Variants in IFT88 observed in about 807,000 individuals in gnomAD.
IFT88 encodes intraflagellar transport 88.
IFT88 carries 74 observed loss-of-function variants against 119.5 expected under a neutral mutation model. The observed-to-expected ratio is 0.62, with a 90% confidence interval of 0.51 to 0.75. The LOEUF is 0.75. Among genes scored for constraint, IFT88 ranks in the 30% least tolerant of loss-of-function variants. The probability of loss-of-function intolerance (pLI) is 0.00; values close to 1 mark genes in which losing one functional copy is unlikely to be tolerated. For synonymous variants in IFT88, 279 were observed against 316.7 expected (o/e 0.88, Z 1.26); for missense variants, 961 against 977.7 (o/e 0.98, Z 0.23).
At chr13:20,604,062 A>G (rs1399401774) in intron 12 of IFT88, among the ~76,000 whole-genome samples, 1 of 152,108 alleles carries the variant, frequency 6.6e-6, no homozygotes, top group African/African-American at 2.4e-5. Flanking sequence ...CCTTGTCTCA[A>G]AAGTAAAATA....
At chr13:20,623,091 G>A (rs1379526097) in intron 14 of IFT88, among the ~76,000 whole-genome samples, 6 of 152,154 alleles carry the variant, frequency 3.9e-5, no homozygotes, top group Admixed American at 6.5e-5. Flanking sequence ...ACTGAATAGC[G>A]TTGGCATCCT....
intron 7 of IFT88, among the ~76,000 whole-genome samples, chr13:20,594,183 TG>T (rs2041230107): frequency 6.6e-6 from 1 of 152,204 alleles, no homozygotes; most frequent in African/African-American, 2.4e-5. Flanking sequence ...ACATCATCCC[TG>T]GTCCAGCTTC....
rs1345678602 is a variant in IFT88, at chr13:20,618,925, C to T, written c.1199+3046C>T. Among the ~76,000 whole-genome samples the T allele has an allele frequency of 2.0e-5, 3 of 150,376 alleles. No individual in the cohort carries two copies. The South Asian group carries it at 6.3e-4, about 31-fold the overall frequency. ...AGGCTGGAGTGCAGTGGTGCAATCT[C>T]GGCTCACTACAAGCTCCACCTCCTG... On this transcript the variant is annotated intron_variant, in intron 14 of 25. Coordinates refer to ENST00000351808, the MANE Select transcript of IFT88 (RefSeq NM_006531.5).
intron 13 of IFT88, among the ~76,000 whole-genome samples, chr13:20,613,897 C>T (rs578123204): frequency 9.7e-4 from 147 of 152,096 alleles, no homozygotes; most frequent in African/African-American, 3.4e-3. Context: ...CACAAAAGAC[C>T]ACGTTTTATG....
intron 14 of IFT88, among the ~76,000 whole-genome samples, chr13:20,617,668 G>T (rs1389878850): frequency 6.6e-6 from 1 of 152,188 alleles, no homozygotes; most frequent in Non-Finnish European, 1.5e-5. Flanking sequence ...GTAATGACTT[G>T]TAGTCTTTTG....
At chr13:20,679,221 T>C (rs1196290433) in intron 24 of IFT88, among the ~76,000 whole-genome samples, 1 of 152,228 alleles carries the variant, frequency 6.6e-6, no homozygotes, top group African/African-American at 2.4e-5. Flanking sequence ...CCTAGCCACA[T>C]TACAGTTTGT....
In IFT88 at chr13:20,664,449, G is replaced by C. The variant is rs1468028937; in HGVS notation, c.2175+845G>C. Among the ~76,000 whole-genome samples the C allele has an allele frequency of 9.2e-5, 14 of 152,268 alleles. No individual in the cohort carries two copies. The East Asian group carries it at 2.7e-3, about 29-fold the overall frequency. On this transcript the variant is annotated intron_variant, in intron 23 of 25. Transcript: ENST00000351808. ...CAGCAAGAAGCAATTGTGGCACTGG[G>C]TTGTTGGCCAGGCAAGACAGACTCA... is the stretch of plus-strand genomic sequence containing the variant.
chr13:20,601,078 C>G (rs9552250), intron 11 of IFT88, among the ~76,000 whole-genome samples: 39,716 of 152,048 alleles, frequency 0.26, 6,374 homozygotes, highest in East Asian at 0.7. Flanking sequence ...AGAAAATAGA[C>G]TAATGGGCCG....
At chr13:20,575,525 A>G (rs965704509) in intron 2 of IFT88, among the ~76,000 whole-genome samples, 2 of 152,090 alleles carry the variant, frequency 1.3e-5, no homozygotes, top group Non-Finnish European at 2.9e-5. Context: ...ACCTGGTGGG[A>G]GGCGATAGGA....
chr13:20,626,294 T>C (rs1179479473), intron 15 of IFT88, among the ~76,000 whole-genome samples: 2 of 152,008 alleles, frequency 1.3e-5, no homozygotes, highest in Non-Finnish European at 2.9e-5. Context: ...TCTCCTGACC[T>C]TGTGATCCGC....
chr13:20,575,394 T>G (rs548019291), intron 2 of IFT88, among the ~76,000 whole-genome samples: 1 of 152,342 alleles, frequency 6.6e-6, no homozygotes, highest in Non-Finnish European at 1.5e-5. Flanking sequence ...TTGGCTATTG[T>G]GAATACTGCT....
chr13:20,678,859 G>C (rs1242878827), intron 24 of IFT88, among the ~76,000 whole-genome samples: 1 of 152,130 alleles, frequency 6.6e-6, no homozygotes, highest in African/African-American at 2.4e-5. Context: ...TGCATCGGCA[G>C]ACTACACAAA....
chr13:20,618,250 C>G (rs1449058228), intron 14 of IFT88, among the ~76,000 whole-genome samples: 2 of 152,110 alleles, frequency 1.3e-5, no homozygotes, highest in Non-Finnish European at 2.9e-5. Flanking sequence ...AGCACATGAT[C>G]GTTGTTCATT....
rs2042643797 is a variant in IFT88 at position 20,601,872 on chromosome 13, C to A, written c.980C>A (p.Ala327Glu). The change falls in exon 12 of 26, where the codon GCA (alanine) becomes GAA (glutamate). Residue 327 changes from alanine (A) to glutamate (E), a missense_variant. By Grantham distance (107) the Ala-to-Glu change is moderately radical. Transcript: ENST00000351808. ...AIGDREKMKK[A>E]FQKLITVPLE... ...GGAGACCGAGAAAAAATGAAGAAGG[C>A]ATTCCAAAAATTGATTACTGTTCCA... 1 of 1,611,442 alleles carries A rather than the reference C, an allele frequency of 6.2e-7. No individual in the cohort carries two copies. Among genetic ancestry groups the A allele is most frequent in the African/African-American group, 1.3e-5 (1 of 74,848 alleles).
chr13:20,586,538 G>A (rs1228678209), intron 3 of IFT88, among the ~76,000 whole-genome samples: 1 of 44,350 alleles, frequency 2.3e-5, no homozygotes, highest in Admixed American at 2.9e-4. Context: ...GATTGACCTT[G>A]AGATCAGGAG....
In IFT88 at chr13:20,591,000, CCA is replaced by C. The variant is rs1322251556; in HGVS notation, c.245_246del (p.Pro82HisfsTer11). On this transcript the variant is annotated frameshift_variant, in exon 5 of 26. Coordinates refer to ENST00000351808, the MANE Select transcript of IFT88 (RefSeq NM_006531.5). LOFTEE classifies it high-confidence loss of function. ...ATCTCTGGCATCATCAATAGGAAGACCAATGACAGGGGCTATTCAGGTATCTC... is the reference window on the plus strand; with the variant it reads ...ATCTCTGGCATCATCAATAGGAAGACATGACAGGGGCTATTCAGGTATCTC... ...KTSLASSIGR[P>X]MTGAIQDGVT... 1 of 1,609,852 alleles carries C rather than the reference CCA, an allele frequency of 6.2e-7. No individual in the cohort carries two copies. The highest frequency in any genetic ancestry group is 1.3e-5 in the African/African-American group (1 of 74,766).
chr13:20,635,767 T>G (rs901728834), intron 16 of IFT88, among the ~76,000 whole-genome samples: 2 of 152,072 alleles, frequency 1.3e-5, no homozygotes, highest in Non-Finnish European at 2.9e-5. Context: ...GACCAATACC[T>G]AATGCATACA....
intron 16 of IFT88, among the ~76,000 whole-genome samples, chr13:20,636,859 T>C (rs1182316642): frequency 1.3e-5 from 2 of 152,238 alleles, no homozygotes; most frequent in African/African-American, 4.8e-5. Flanking sequence ...GGCAGCATTA[T>C]TCATAGTAAC....
chr13:20,614,700 T>A (rs891635709), intron 13 of IFT88, among the ~76,000 whole-genome samples: 2 of 152,160 alleles, frequency 1.3e-5, no homozygotes, highest in African/African-American at 2.4e-5. Flanking sequence ...GGGTAAAGGG[T>A]ACATGGAATC....
Sources: allele counts gnomAD v4.1 joint callset (sites outside exome capture counted in the v4.1 genomes callset), GRCh38; gene constraint gnomAD v4.1.1; transcripts MANE v1.5; gene names NCBI Gene and HGNC (gene_info 2026-07-23, HGNC 2026-07-21).